PIK3C2A: variants seen among roughly 807,000 people sequenced by gnomAD.
PIK3C2A encodes phosphatidylinositol-4-phosphate 3-kinase catalytic subunit type 2 alpha, also known as phosphatidylinositol 4-phosphate 3-kinase C2 domain-containing subunit alpha.
In PIK3C2A, 97 loss-of-function variants were observed where a neutral mutation model predicts 204.5. The ratio of observed to expected loss-of-function variants is 0.47; its 90% confidence interval spans 0.40 to 0.56. The LOEUF is 0.56. Among genes scored for constraint, PIK3C2A ranks in the 20% least tolerant of loss-of-function variants. PIK3C2A has a pLI of 0.00. For synonymous variants in PIK3C2A, 653 were observed against 664.4 expected, an observed-to-expected ratio of 0.98 and a Z score of 0.26; for missense variants, 1,735 against 1,969.2, an observed-to-expected ratio of 0.88 and a Z score of 2.25.
intron 32 of PIK3C2A, 101 bp from the exon 33 acceptor site, chr11:17,090,021 C>CTCATTGTGGT: frequency 1.2e-6 from 1 of 815,564 alleles, no homozygotes; most frequent in Non-Finnish European, 2.0e-6. Context: ...CAAAGAGTGA[C>CTCATTGTGGT]CACAATGAGT....
chr11:17,122,108 C>A, intron 15 of PIK3C2A, 80 bp downstream of exon 15: 1 of 786,756 alleles, frequency 1.3e-6, no homozygotes, highest in Admixed American at 2.6e-5. Context: ...TGAACAGAAT[C>A]AGGTTATTTA....
intron 1 of PIK3C2A, among the ~76,000 whole-genome samples, chr11:17,172,244 A>G (rs1329045971): frequency 6.6e-6 from 1 of 152,192 alleles, no homozygotes; most frequent in African/African-American, 2.4e-5. Context: ...GCTTTTACCA[A>G]TGAAATGGAA....
intron 1 of PIK3C2A, among the ~76,000 whole-genome samples, chr11:17,174,891 ACT>A (rs1851290216): frequency 6.6e-6 from 1 of 152,068 alleles, no homozygotes; most frequent in Admixed American, 6.6e-5. Flanking sequence ...CAAGAGTGAA[ACT>A]CTGTCTCAAA....
At chr11:17,140,524 A>T (rs1850029218) in intron 8 of PIK3C2A, among the ~76,000 whole-genome samples, 1 of 152,210 alleles carries the variant, frequency 6.6e-6, no homozygotes, top group African/African-American at 2.4e-5. Context: ...CCTCAAAAAC[A>T]GTATGGTGTG....
Position 17,118,625 on chromosome 11 carries a change from C to G in PIK3C2A, c.3035+20G>C. The G allele has an allele frequency of 9.3e-7, 1 of 1,078,984 alleles. No homozygotes were observed. The highest frequency in any genetic ancestry group is 1.4e-6 in the Non-Finnish European group (1 of 705,944). The allele number at this position is 1,078,984 out of a possible 1,614,324, so 66.8% of individuals were successfully genotyped here. On this transcript the variant is annotated intron_variant, in intron 18 of 32. Transcript: ENST00000691414. Reference sequence around the variant, plus strand: ...ATTCTAGGAATGGAAATACGGTAATCAATAAAATTTAAATCTTACCAATAT... The same window carrying G: ...ATTCTAGGAATGGAAATACGGTAATGAATAAAATTTAAATCTTACCAATAT...
chr11:17,093,841 TGCCCAG>T (rs1848380924), intron 28 of PIK3C2A, among the ~76,000 whole-genome samples: 1 of 151,926 alleles, frequency 6.6e-6, no homozygotes, highest in Admixed American at 6.6e-5. Flanking sequence ...TTCGCCATGG[TGCCCAG>T]GCTAGTCTCC....
chr11:17,186,281 C>T (rs1851748116), intron 1 of PIK3C2A, among the ~76,000 whole-genome samples: 1 of 151,988 alleles, frequency 6.6e-6, no homozygotes, highest in Non-Finnish European at 1.5e-5. Flanking sequence ...TATCACCTTA[C>T]CTTAATTTTC....
intron 6 of PIK3C2A, among the ~76,000 whole-genome samples, chr11:17,146,767 A>G (rs1291273979): frequency 2.0e-5 from 3 of 152,098 alleles, no homozygotes; most frequent in Non-Finnish European, 4.4e-5. Flanking sequence ...ACTAAGAAGA[A>G]AAGTTACCAA....
chr11:17,184,566 C>T (rs1409353688), intron 1 of PIK3C2A, among the ~76,000 whole-genome samples: 2 of 151,728 alleles, frequency 1.3e-5, no homozygotes, highest in Non-Finnish European at 2.9e-5. Flanking sequence ...ATTACAAAAG[C>T]GTCAGAAGTT....
intron 9 of PIK3C2A, among the ~76,000 whole-genome samples, chr11:17,135,932 G>T (rs1379294732): frequency 2.6e-5 from 4 of 152,062 alleles, no homozygotes; most frequent in Non-Finnish European, 5.9e-5. Flanking sequence ...AGATATAAAT[G>T]TCTCTATGAA....
chr11:17,147,728 T>C (rs1850288692), intron 5 of PIK3C2A, 100 bp from the exon 6 acceptor site: 2 of 638,496 alleles, frequency 3.1e-6, no homozygotes, highest in Non-Finnish European at 5.6e-6. Flanking sequence ...TTGAAGAGAA[T>C]GGTGAAACAG....
chr11:17,087,236 ATTTAC>A lies in PIK3C2A; in HGVS notation c.*2497_*2501del, dbSNP rs1228373876. ...GGCCAGTTTGTTAAACTTTTTTTAG[ATTTAC>A]TTTAATGTCAGCTTTTAAAAAATGC... On this transcript the variant is annotated 3_prime_UTR_variant, in exon 33 of 33. Coordinates refer to ENST00000691414, the MANE Select transcript of PIK3C2A (RefSeq NM_002645.4). 5 of 152,170 alleles carry A rather than the reference ATTTAC, an allele frequency of 3.3e-5. No individual in the cohort carries two copies. The highest frequency in any genetic ancestry group is 1.9e-4 in the East Asian group (1 of 5,200). 9.4% of individuals were successfully genotyped at this position (152,170 alleles called of 1,614,324 possible). A position where few individuals can be genotyped will look rare whatever the true frequency, so the allele number is the denominator to read the frequency against.
rs145552243 is a variant in PIK3C2A, at chr11:17,167,536, G to A, written c.1065+1141C>T. Among the ~76,000 whole-genome samples the A allele has an allele frequency of 5.6e-4, 86 of 152,234 alleles. No homozygotes were observed. In the East Asian group the frequency reaches 0.016, roughly 29 times the overall value. ...CTTAGGAAGCTGAGGCAGGAGAATCGCTTGAACCTGGGAGGTGGAGGTTGC... is the reference window on the plus strand; with the variant it reads ...CTTAGGAAGCTGAGGCAGGAGAATCACTTGAACCTGGGAGGTGGAGGTTGC... On this transcript the variant is annotated intron_variant, in intron 2 of 32. Coordinates refer to ENST00000691414, the MANE Select transcript of PIK3C2A (RefSeq NM_002645.4).
intron 28 of PIK3C2A, 86 bp downstream of exon 28, chr11:17,094,175 T>G (rs1158066989): frequency 3.2e-6 from 3 of 937,408 alleles, no homozygotes; most frequent in South Asian, 3.6e-5. Flanking sequence ...AATATCTTAC[T>G]AAGTGTTAAC....
At chr11:17,136,689 G>A (rs903101014) in intron 8 of PIK3C2A, 64 bp from the exon 9 acceptor site, 243 of 874,416 alleles carry the variant, frequency 2.8e-4, no homozygotes, top group Middle Eastern at 3.5e-4. Context: ...TTCCAGAGAC[G>A]AAGTCAGAAA....
chr11:17,186,359 T>TC (rs1555037244), intron 1 of PIK3C2A, among the ~76,000 whole-genome samples: 1 of 152,080 alleles, frequency 6.6e-6, no homozygotes, highest in African/African-American at 2.4e-5. Flanking sequence ...TGCCTGCATT[T>TC]CCCCCTCTAG....
chr11:17,180,281 C>A (rs1201721315), intron 1 of PIK3C2A, among the ~76,000 whole-genome samples: 1 of 151,988 alleles, frequency 6.6e-6, no homozygotes, highest in Admixed American at 6.6e-5. Context: ...GATGGGAAGA[C>A]TGCTTGAGCC....
In PIK3C2A at chr11:17,129,363, T is replaced by C. The variant is rs780871964; in HGVS notation, c.2336A>G (p.Asn779Ser). 6 of 1,613,582 alleles carry C rather than the reference T, an allele frequency of 3.7e-6. No homozygotes were observed. In the Admixed American group the frequency reaches 1.0e-4, roughly 27 times the overall value. Residue 779 changes from asparagine (N) to serine (S), a missense_variant, in exon 13 of 33, where the codon AAT becomes AGT. Asn to Ser is a conservative substitution (Grantham distance 46, BLOSUM62 1). Transcript: ENST00000691414. ...AGCTTCTGGTCCCTTTCTCTGCTTA[T>C]TAGAATCAGGGGAACTTCCACTGCT... ...NQSSGSSPDS[N>S]KQRKGPEALG...
intron 1 of PIK3C2A, among the ~76,000 whole-genome samples, chr11:17,170,529 T>C (rs1459182932): frequency 6.6e-6 from 1 of 152,226 alleles, no homozygotes; most frequent in Non-Finnish European, 1.5e-5. Flanking sequence ...TCAATAGTTA[T>C]AATACCAAAA....
Sources: gnomAD v4.1 joint callset for allele counts (sites outside exome capture counted in the v4.1 genomes callset) on GRCh38, gnomAD v4.1.1 for gene constraint, MANE v1.5 for transcripts, NCBI Gene and HGNC (gene_info 2026-07-23, HGNC 2026-07-21) for gene names.